Variants in HMGB1 observed in about 807,000 individuals in gnomAD.
The protein encoded by HMGB1 is high mobility group box 1, also known as high mobility group protein B1.
For synonymous variants in HMGB1, 81 were observed against 84.0 expected (o/e 0.96, Z 0.19); for missense variants, 79 against 253.5 (o/e 0.31, Z 4.67).
At chr13:30,599,419 G>A (rs1871761552) in intron 1 of HMGB1, among the ~76,000 whole-genome samples, 1 of 152,150 alleles carries the variant, frequency 6.6e-6, no homozygotes. Flanking sequence ...GATGAGCTGA[G>A]ATCAGGCCAT....
rs534156744 is a variant in HMGB1, at chr13:30,559,236, C to T, written c.-15+57435G>A. 1.9e-4 allele frequency among the ~76,000 whole-genome samples: 29 copies of T among 152,170 alleles called. No individual in the cohort carries two copies. The highest frequency in any genetic ancestry group is 5.8e-4 in the African/African-American group (24 of 41,536). On this transcript the variant is annotated intron_variant, in intron 1 of 4. Transcript: ENST00000405805. This position sits in a 1 kb window ranked among gnomAD's most constrained non-coding sequence, Gnocchi z 6.6. ...CTTACCAAGGTACGTTAGGCACTGG[C>T]CTCACTCCAAGGCCAGTGCTTCCTG...
At chr13:30,474,618 C>T (rs1415820704) in intron 1 of HMGB1, among the ~76,000 whole-genome samples, 2 of 151,972 alleles carry the variant, frequency 1.3e-5, no homozygotes, top group Admixed American at 1.3e-4. Context: ...AAAAGGTAGA[C>T]ATTGGGCAGG....
chr13:30,492,873 C>A (rs1887528219), intron 1 of HMGB1, among the ~76,000 whole-genome samples: 1 of 151,638 alleles, frequency 6.6e-6, no homozygotes, highest in African/African-American at 2.4e-5. Context: ...GGCCTGTAGT[C>A]CCAGCTACTC....
At chr13:30,556,970 T>C (rs2137519892) in intron 1 of HMGB1, among the ~76,000 whole-genome samples, 1 of 152,350 alleles carries the variant, frequency 6.6e-6, no homozygotes, top group South Asian at 2.1e-4. Context: ...CTGATAACTA[T>C]AAATTATATG....
intron 1 of HMGB1, among the ~76,000 whole-genome samples, chr13:30,563,063 T>G (rs760246733): frequency 5.9e-5 from 9 of 152,256 alleles, no homozygotes; most frequent in Admixed American, 3.3e-4. Flanking sequence ...AAGCCTCAAG[T>G]ACTGTTAACA....
intron 1 of HMGB1, among the ~76,000 whole-genome samples, chr13:30,592,889 G>GAA (rs1204769966): frequency 7.0e-6 from 1 of 142,110 alleles, no homozygotes; most frequent in Admixed American, 7.0e-5. Flanking sequence ...AAAAAAAAGC[G>GAA]AATCCCTGGG....
intron 1 of HMGB1, chr13:30,553,554 A>C: frequency 2.0e-6 from 1 of 505,662 alleles, no homozygotes; most frequent in Non-Finnish European, 3.6e-6. Context: ...TATGAATAGA[A>C]TATATACAAC....
Position 30,461,310 on chromosome 13 carries a change from G to T in HMGB1, c.*47C>A. On this transcript the variant is annotated 3_prime_UTR_variant, in exon 5 of 5. Coordinates refer to ENST00000341423, the MANE Select transcript of HMGB1 (RefSeq NM_002128.7). ...AAAGGAGTGAGTTGTGTACAGGGGG[G>T]TTAAATGCTTTATAGACAAGAAAAA... The T allele has an allele frequency of 6.6e-7, 1 of 1,520,126 alleles. No individual in the cohort carries two copies. The highest frequency in any genetic ancestry group is 2.5e-4 in the Middle Eastern group (1 of 4,004). The allele number at this position is 1,520,126 out of a possible 1,614,324, so 94.2% of individuals were successfully genotyped here.
At chr13:30,461,812 T>C in intron 4 of HMGB1, 1 of 580,240 alleles carries the variant, frequency 1.7e-6, no homozygotes, top group Non-Finnish European at 2.9e-6. Context: ...ATCCTAACTC[T>C]ATTAAAACCA....
At chr13:30,546,232 C>T (rs1375832267) in intron 1 of HMGB1, among the ~76,000 whole-genome samples, 1 of 152,218 alleles carries the variant, frequency 6.6e-6, no homozygotes, top group Non-Finnish European at 1.5e-5. Flanking sequence ...TCCCCTGCCT[C>T]AGCCTCCCGA....
intron 1 of HMGB1, among the ~76,000 whole-genome samples, chr13:30,574,968 G>A (rs948884702): frequency 5.3e-5 from 8 of 152,022 alleles, no homozygotes; most frequent in East Asian, 1.9e-4. Flanking sequence ...TAATGGCCTC[G>A]TACTAAAGAT....
intron 1 of HMGB1, among the ~76,000 whole-genome samples, chr13:30,497,440 A>G (rs1887633982): frequency 3.8e-5 from 2 of 52,896 alleles, no homozygotes; most frequent in African/African-American, 5.4e-5. Flanking sequence ...CATGTTGGCC[A>G]GGCTGTTTTT....
chr13:30,581,670 T>C (rs145528495), intron 1 of HMGB1, among the ~76,000 whole-genome samples: 2 of 152,306 alleles, frequency 1.3e-5, no homozygotes, highest in East Asian at 3.9e-4. Context: ...CATCTACTAA[T>C]ATAATGGAAA....
At chr13:30,517,787 C>T (rs368423270) in intron 1 of HMGB1, among the ~76,000 whole-genome samples, 8 of 152,100 alleles carry the variant, frequency 5.3e-5, no homozygotes, top group East Asian at 1.9e-4. Flanking sequence ...GTTCTCTCCA[C>T]GGGTATTTCA....
rs548416626 is a variant in HMGB1 at position 30,590,064 on chromosome 13, G to C, written c.-15+26607C>G. Among the ~76,000 whole-genome samples, 4 of 152,086 alleles carry C rather than the reference G, an allele frequency of 2.6e-5. No homozygotes were observed. In the East Asian group the frequency reaches 7.7e-4, roughly 29 times the overall value. On this transcript the variant is annotated intron_variant, in intron 1 of 4. Transcript: ENST00000405805. ...GAGATTACTTACGTTGGTTACTCAGGCTGGTCTCTGAATCTGATTATAAAT... is the reference window on the plus strand; with the variant it reads ...GAGATTACTTACGTTGGTTACTCAGCCTGGTCTCTGAATCTGATTATAAAT...
At chr13:30,571,800 G>A (rs373715779) in intron 1 of HMGB1, among the ~76,000 whole-genome samples, 1 of 152,106 alleles carries the variant, frequency 6.6e-6, no homozygotes, top group East Asian at 1.9e-4. Flanking sequence ...AAGAGTATAT[G>A]TATTTTAGAA....
At chr13:30,601,853 A>G (rs1000334664) in intron 1 of HMGB1, among the ~76,000 whole-genome samples, 56 of 151,676 alleles carry the variant, frequency 3.7e-4, no homozygotes, top group Middle Eastern at 6.8e-3. Context: ...GAATTAATCC[A>G]CATATATTAT....
chr13:30,496,342 G>A (rs1410986096), intron 1 of HMGB1, among the ~76,000 whole-genome samples: 3 of 152,170 alleles, frequency 2.0e-5, no homozygotes, highest in Admixed American at 6.5e-5. Context: ...AAACAACTGC[G>A]TTTCCAACAA....
At chr13:30,493,332 C>A (rs926637710) in intron 1 of HMGB1, among the ~76,000 whole-genome samples, 5 of 152,196 alleles carry the variant, frequency 3.3e-5, no homozygotes, top group Admixed American at 1.3e-4. Context: ...GACCTCCTCA[C>A]AAAACTACAT....
Sources: allele counts gnomAD v4.1 joint callset (sites outside exome capture counted in the v4.1 genomes callset), GRCh38; gene constraint gnomAD v4.1.1; non-coding constraint Gnocchi (gnomAD v3.1); transcripts MANE v1.5; gene names NCBI Gene and HGNC (gene_info 2026-07-23, HGNC 2026-07-21).